The following PPP1R14C variants were observed in gnomAD, a reference collection of about 807,000 sequenced individuals.
The protein encoded by PPP1R14C is protein phosphatase 1 regulatory inhibitor subunit 14C, also known as protein phosphatase 1 regulatory subunit 14C.
A neutral mutation model predicts 20.4 loss-of-function variants in PPP1R14C; 16 were observed. The ratio of observed to expected loss-of-function variants is 0.78; its 90% CI spans 0.53 to 1.19. The LOEUF is 1.19. PPP1R14C is among the 50% of genes most tolerant of loss of function. PPP1R14C has a pLI of 0.00. For synonymous variants in PPP1R14C, 91 were observed against 91.0 expected, an observed-to-expected ratio of 1.00 and a Z score of 0.00; for missense variants, 211 against 220.1, an observed-to-expected ratio of 0.96 and a Z score of 0.26.
chr6:150,158,875 G>GA (rs948090969), intron 1 of PPP1R14C, among the ~76,000 whole-genome samples: 1 of 151,604 alleles, frequency 6.6e-6, no homozygotes, highest in East Asian at 1.9e-4. Context: ...TATAAATAAG[G>GA]AAAAAAAAGC....
At chr6:150,180,381 C>T (rs1319361184) in intron 1 of PPP1R14C, among the ~76,000 whole-genome samples, 1 of 152,194 alleles carries the variant, frequency 6.6e-6, no homozygotes, top group Admixed American at 6.5e-5. Context: ...GGGCAAATAA[C>T]CCCGAGTCTC....
chr6:150,160,345 A>G (rs1165317657), intron 1 of PPP1R14C, among the ~76,000 whole-genome samples: 4 of 145,320 alleles, frequency 2.8e-5, no homozygotes, highest in Non-Finnish European at 5.9e-5. Context: ...GCTCACTGCA[A>G]GCTCCACCTC....
intron 1 of PPP1R14C, among the ~76,000 whole-genome samples, chr6:150,182,656 C>T (rs1320039652): frequency 6.6e-6 from 1 of 152,166 alleles, no homozygotes; most frequent in East Asian, 1.9e-4. Flanking sequence ...AGACATGGAC[C>T]TACCTTATAA....
chr6:150,237,174 AT>A (rs1374529582), intron 3 of PPP1R14C, among the ~76,000 whole-genome samples: 2 of 151,382 alleles, frequency 1.3e-5, no homozygotes, highest in African/African-American at 2.4e-5. Context: ...TATAAGCTAC[AT>A]TTTTCTTAGT....
At position 150,203,972 on chromosome 6, in the gene PPP1R14C, A is replaced by G. The variant is rs1031360247; in HGVS notation, c.307-10772A>G. ...TTATTCTTTCCCAGTCTTCTTATCC[A>G]TTGCCTGTAGCCCAGGACCAGTGCC... On this transcript the variant is annotated intron_variant, in intron 1 of 3. Transcript: ENST00000361131. Among the ~76,000 whole-genome samples the G allele has an allele frequency of 3.9e-5, 6 of 152,028 alleles. No homozygotes were observed. In the East Asian group the frequency reaches 5.8e-4, roughly 15 times the overall value.
intron 1 of PPP1R14C, among the ~76,000 whole-genome samples, chr6:150,165,368 G>T (rs1032753224): frequency 3.3e-5 from 5 of 152,226 alleles, no homozygotes; most frequent in Admixed American, 2.6e-4. Flanking sequence ...TTGTGTTAGA[G>T]AAGACTTGAC....
At chr6:150,200,374 C>T (rs568218606) in intron 1 of PPP1R14C, among the ~76,000 whole-genome samples, 7 of 152,210 alleles carry the variant, frequency 4.6e-5, no homozygotes, top group Admixed American at 1.3e-4. Flanking sequence ...CCGAATTACT[C>T]GCCTCTCTGG....
At chr6:150,219,526 T>C (rs1342153602) in intron 3 of PPP1R14C, among the ~76,000 whole-genome samples, 1 of 151,732 alleles carries the variant, frequency 6.6e-6, no homozygotes, top group Non-Finnish European at 1.5e-5. Flanking sequence ...ATAACGCTTG[T>C]CTTTGGTTTT....
rs1778529675 is a variant in PPP1R14C, at chr6:150,249,012, T to C, written c.*192T>C. The C allele has an allele frequency of 2.1e-6, 1 of 477,078 alleles. No individual in the cohort carries two copies. The allele number at this position is 477,078 out of a possible 1,614,324, so 29.6% of individuals were successfully genotyped here. The stretch of plus-strand genomic sequence containing the variant: ...AGCGTTCTTTTTTTGGTTTTAAAGG[T>C]TTTTGTTAATGTAATATTTTAATAG... On this transcript the variant is annotated 3_prime_UTR_variant, in exon 4 of 4. Transcript: ENST00000361131.
intron 3 of PPP1R14C, among the ~76,000 whole-genome samples, chr6:150,221,756 A>G (rs1778170023): frequency 6.6e-6 from 1 of 152,136 alleles, no homozygotes; most frequent in African/African-American, 2.4e-5. Context: ...ATGTCTCTGC[A>G]TATTGGTAAG....
chr6:150,161,319 A>G (rs1250341814), intron 1 of PPP1R14C, among the ~76,000 whole-genome samples: 1 of 151,994 alleles, frequency 6.6e-6, no homozygotes, highest in Non-Finnish European at 1.5e-5. Flanking sequence ...AGAAACCAAG[A>G]TAAGGGATGC....
intron 3 of PPP1R14C, among the ~76,000 whole-genome samples, chr6:150,243,008 T>C (rs1466328988): frequency 6.6e-6 from 1 of 152,114 alleles, no homozygotes; most frequent in Non-Finnish European, 1.5e-5. Flanking sequence ...TTATAAACCA[T>C]TGCTGAGATA....
chr6:150,167,969 T>C (rs867389422), intron 1 of PPP1R14C, among the ~76,000 whole-genome samples: 211 of 126,938 alleles, frequency 1.7e-3, no homozygotes, highest in East Asian at 4.4e-3. Context: ...CTCCCCTCTT[T>C]CTCTCCTTCT....
chr6:150,223,754 C>G (rs970747956), intron 3 of PPP1R14C, among the ~76,000 whole-genome samples: 3 of 151,868 alleles, frequency 2.0e-5, no homozygotes, highest in African/African-American at 7.3e-5. Flanking sequence ...GATAATAGGC[C>G]TTTATCAGAC....
At chr6:150,155,924 C>A (rs1724037792) in intron 1 of PPP1R14C, among the ~76,000 whole-genome samples, 1 of 145,068 alleles carries the variant, frequency 6.9e-6, no homozygotes, top group South Asian at 2.3e-4. Flanking sequence ...ACTCAGGAGG[C>A]TGAGGCAAGA....
At chr6:150,190,585 C>T (rs9383713) in intron 1 of PPP1R14C, among the ~76,000 whole-genome samples, 5,155 of 152,108 alleles carry the variant, frequency 0.034, 161 homozygotes, top group East Asian at 0.092. Flanking sequence ...TGCCAGCACA[C>T]CCAGCTAATT....
chr6:150,177,000 G>A (rs957117677), intron 1 of PPP1R14C, among the ~76,000 whole-genome samples: 2 of 152,212 alleles, frequency 1.3e-5, no homozygotes, highest in Non-Finnish European at 2.9e-5. Flanking sequence ...GGCTGCCTGT[G>A]TCCTAACTCC....
intron 1 of PPP1R14C, among the ~76,000 whole-genome samples, chr6:150,179,455 T>C (rs1372536742): frequency 6.7e-6 from 1 of 150,224 alleles, no homozygotes; most frequent in African/African-American, 2.5e-5. Flanking sequence ...GGGTCGGCCA[T>C]GAAGACTTTA....
intron 1 of PPP1R14C, chr6:150,196,115 C>T: frequency 1.0e-6 from 1 of 985,322 alleles, no homozygotes; most frequent in Non-Finnish European, 1.2e-6. Context: ...ATCAATGGGG[C>T]CTTCCAAAGG....
Sources: gnomAD v4.1 joint callset for allele counts (sites outside exome capture counted in the v4.1 genomes callset) on GRCh38, gnomAD v4.1.1 for gene constraint, MANE v1.5 for transcripts, NCBI Gene and HGNC (gene_info 2026-07-23, HGNC 2026-07-21) for gene names.